APBB2: variants seen among roughly 807,000 people sequenced by gnomAD.
APBB2 encodes amyloid beta precursor protein binding family B member 2.
Under a neutral mutation model 82.5 loss-of-function variants are expected in APBB2, and 38 were observed. That is an observed-to-expected ratio of 0.46 (90% confidence interval 0.36 to 0.60). The LOEUF (loss-of-function observed/expected upper bound fraction) is 0.60. Ranked by LOEUF, APBB2 falls within the 20% of genes least tolerant of loss-of-function variation. APBB2 has a pLI of 0.00. For synonymous variants in APBB2, 341 were observed against 368.2 expected (o/e 0.93, Z 0.85); for missense variants, 772 against 972.3 (o/e 0.79, Z 2.74).
At chr4:40,957,355 G>T (rs554139894) in intron 6 of APBB2, among the ~76,000 whole-genome samples, 2 of 151,952 alleles carry the variant, frequency 1.3e-5, no homozygotes, top group Non-Finnish European at 2.9e-5. Flanking sequence ...CTTAGATCAA[G>T]AAAACTAGAT....
intron 12 of APBB2, among the ~76,000 whole-genome samples, chr4:40,852,534 G>A (rs189782187): frequency 3.5e-4 from 54 of 152,160 alleles, no homozygotes; most frequent in African/African-American, 1.3e-3. Context: ...TGACAGAAAG[G>A]GTACTGAAGG....
At chr4:41,159,960 GGAGAAGAAGA>G (rs1764553196) in intron 1 of APBB2, among the ~76,000 whole-genome samples, 6 of 72,206 alleles carry the variant, frequency 8.3e-5, no homozygotes, top group East Asian at 3.8e-4. Context: ...AGAAGGAGAA[GGAGAAGAAGA>G]AGAAGAAGAA....
chr4:41,046,777 G>C (rs1474464600), intron 4 of APBB2, among the ~76,000 whole-genome samples: 1 of 152,120 alleles, frequency 6.6e-6, no homozygotes. Flanking sequence ...CCGTCCCAAG[G>C]GCAGCTGCCT....
chr4:40,962,288 G>C lies in APBB2; in HGVS notation c.836-17215C>G, dbSNP rs375235846. Among the ~76,000 whole-genome samples, 181 of 152,218 alleles carry C rather than the reference G, an allele frequency of 1.2e-3. 1 individual carries two copies. The Middle Eastern group carries it at 0.031, about 26-fold the overall frequency. The stretch of plus-strand genomic sequence containing the variant: ...AGAATCTAGCATAAGACAATATTAG[G>C]TAATTGAGCCAAAATTCCAGGAAAG... On this transcript the variant is annotated intron_variant, in intron 6 of 17. Coordinates refer to ENST00000508593, the MANE Select transcript of APBB2 (RefSeq NM_004307.2).
In APBB2 at chr4:41,199,521, T is replaced by G. The variant is rs558250698; in HGVS notation, c.-417+14884A>C. ...CTTTTCTTGCACTAAAGCAACACCT[T>G]TGAATTTTGACCAATGAACAATAAT... On this transcript the variant is annotated intron_variant, in intron 1 of 17. Coordinates refer to ENST00000508593, the MANE Select transcript of APBB2 (RefSeq NM_004307.2). Among the ~76,000 whole-genome samples, 29 of 152,208 alleles carry G rather than the reference T, an allele frequency of 1.9e-4. 1 individual carries two copies. Among genetic ancestry groups the G allele is most frequent in the African/African-American group, 6.5e-4 (27 of 41,446 alleles).
At chr4:41,183,910 C>G (rs934142189) in intron 1 of APBB2, among the ~76,000 whole-genome samples, 18 of 151,936 alleles carry the variant, frequency 1.2e-4, no homozygotes, top group African/African-American at 4.4e-4. Context: ...ATTATTATTT[C>G]ATTGTAATTT....
chr4:40,969,930 AATG>A, intron 6 of APBB2, among the ~76,000 whole-genome samples: 1 of 152,364 alleles, frequency 6.6e-6, no homozygotes. Context: ...CTTCACATAT[AATG>A]ATAACACATA....
chr4:40,936,545 T>C (rs542019325), intron 7 of APBB2, among the ~76,000 whole-genome samples: 37 of 152,204 alleles, frequency 2.4e-4, no homozygotes, highest in Non-Finnish European at 4.9e-4. Flanking sequence ...GCGTAAGCCA[T>C]GGCGCCTGGT....
chr4:40,827,171 G>C lies in APBB2; in HGVS notation c.1693C>G (p.Gln565Glu). Residue 565 changes from glutamine to glutamate, a missense_variant, in exon 14 of 18, where the codon CAG (glutamine) becomes GAG (glutamate). Physicochemically the swap from Gln to Glu is conservative, Grantham distance 29. Coordinates refer to ENST00000508593, the MANE Select transcript of APBB2 (RefSeq NM_004307.2). ...TCGAGGTTCACATTGGCCCTTTCCT[G>C]TAAGGAGCTGCAGGCCAGCGCTTTG... Reference protein sequence around the residue: ...NAKALACSSLQERANVNLDVP... With the variant: ...NAKALACSSLEERANVNLDVP... 1 of 1,614,212 alleles carries C rather than the reference G, an allele frequency of 6.2e-7. No individual in the cohort carries two copies. Among genetic ancestry groups the C allele is most frequent in the Non-Finnish European group, 8.5e-7 (1 of 1,180,030 alleles).
At chr4:41,005,132 C>T (rs1806340382) in intron 6 of APBB2, among the ~76,000 whole-genome samples, 1 of 152,018 alleles carries the variant, frequency 6.6e-6, no homozygotes, top group African/African-American at 2.4e-5. Flanking sequence ...CACTCTATTG[C>T]CCAGGCTGGA....
intron 12 of APBB2, among the ~76,000 whole-genome samples, chr4:40,861,070 G>A (rs1417804427): frequency 6.6e-6 from 1 of 152,188 alleles, no homozygotes; most frequent in Non-Finnish European, 1.5e-5. Flanking sequence ...TAAACATTAG[G>A]CCAGGTGTGG....
rs562355991 is a variant in APBB2, at chr4:41,013,279, T to C, written c.835+304A>G. ...ATAGCATATAGAAATGATCTACCTA[T>C]GCACTGGAAGTGTAATTTCTAAATA... On this transcript the variant is annotated intron_variant, in intron 6 of 17. Transcript: ENST00000508593. 2.0e-5 allele frequency among the ~76,000 whole-genome samples: 3 copies of C among 152,330 alleles called. No individual in the cohort carries two copies. In the South Asian group the frequency reaches 6.2e-4, roughly 32 times the overall value.
At chr4:41,029,731 T>C (rs2154439754) in intron 5 of APBB2, among the ~76,000 whole-genome samples, 1 of 152,366 alleles carries the variant, frequency 6.6e-6, no homozygotes, top group East Asian at 1.9e-4. Context: ...AGAAATGTTA[T>C]TTTCTAAAAA....
At chr4:41,130,501 A>G (rs1560830247) in intron 2 of APBB2, among the ~76,000 whole-genome samples, 1 of 152,112 alleles carries the variant, frequency 6.6e-6, no homozygotes, top group Admixed American at 6.5e-5. Context: ...TTAAAACTCA[A>G]GCCACACCAC....
chr4:41,141,829 C>T (rs760519857), intron 2 of APBB2, among the ~76,000 whole-genome samples: 1 of 152,194 alleles, frequency 6.6e-6, no homozygotes, highest in Non-Finnish European at 1.5e-5. Context: ...GACTCATTAC[C>T]TATCACAAGA....
At chr4:41,089,966 C>G (rs1392989028) in intron 3 of APBB2, among the ~76,000 whole-genome samples, 5 of 152,164 alleles carry the variant, frequency 3.3e-5, no homozygotes, top group African/African-American at 9.7e-5. Context: ...TAACGAAACA[C>G]TAGCTTGTTT....
At chr4:40,976,731 G>A (rs1023466810) in intron 6 of APBB2, among the ~76,000 whole-genome samples, 1 of 152,140 alleles carries the variant, frequency 6.6e-6, no homozygotes, top group Non-Finnish European at 1.5e-5. Flanking sequence ...AGGGCTGGAA[G>A]TGAACATTAA....
chr4:41,188,053 T>C (rs1266270287), intron 1 of APBB2, among the ~76,000 whole-genome samples: 1 of 152,240 alleles, frequency 6.6e-6, no homozygotes, highest in Non-Finnish European at 1.5e-5. Context: ...AAATCAGATT[T>C]CCATTCAATT....
At chr4:40,880,435 C>G (rs1286700011) in intron 12 of APBB2, 43 of 985,342 alleles carry the variant, frequency 4.4e-5, no homozygotes, top group Non-Finnish European at 5.2e-5. Context: ...CTGCACCTTC[C>G]TTTGCAACAA....
Sources: gnomAD v4.1 joint callset for allele counts (sites outside exome capture counted in the v4.1 genomes callset) on GRCh38, gnomAD v4.1.1 for gene constraint, MANE v1.5 for transcripts, NCBI Gene and HGNC (gene_info 2026-07-23, HGNC 2026-07-21) for gene names.